The following RPS6KC1 variants were observed in gnomAD, a reference collection of about 807,000 sequenced individuals.
RPS6KC1 encodes ribosomal protein S6 kinase C1, also known as inactive ribosomal protein S6 kinase delta-1.
A neutral mutation model predicts 103.8 loss-of-function variants in RPS6KC1; 54 were observed. That is an observed-to-expected ratio of 0.52 (90% confidence interval 0.42 to 0.65). The LOEUF (loss-of-function observed/expected upper bound fraction) is 0.65. Ranked by LOEUF, RPS6KC1 falls within the 30% of genes least tolerant of loss-of-function variation. The pLI is 0.00. For missense variants in RPS6KC1, 1,151 were observed against 1,253.8 expected (o/e 0.92, Z 1.24); for synonymous variants, 439 against 438.7 (o/e 1.00, Z -0.01).
the RPS6KC1 span, among the ~76,000 whole-genome samples, chr1:213,377,930 G>A: frequency 6.6e-6 from 1 of 152,120 alleles, no homozygotes; most frequent in Non-Finnish European, 1.5e-5. Flanking sequence ...TTGGCATTTG[G>A]GGATAACAAT....
chr1:213,141,212 T>C (rs1312800479), intron 6 of RPS6KC1, among the ~76,000 whole-genome samples: 1 of 152,118 alleles, frequency 6.6e-6, no homozygotes, highest in Non-Finnish European at 1.5e-5. Flanking sequence ...CTCTTTTTTA[T>C]ACATGTGACA....
At chr1:213,628,489 A>T in the RPS6KC1 span, among the ~76,000 whole-genome samples, 215 of 151,396 alleles carry the variant, frequency 1.4e-3, no homozygotes, top group African/African-American at 4.9e-3. Context: ...TTTCTTTTTA[A>T]ATTATACTTT....
chr1:213,240,351 C>T (rs112753678), intron 10 of RPS6KC1, among the ~76,000 whole-genome samples: 1,595 of 152,078 alleles, frequency 0.01, 30 homozygotes, highest in African/African-American at 0.036. Flanking sequence ...ATAAACAGAA[C>T]AGAACATAAT....
chr1:213,287,232 ATGTGTGTGTGTGTG>A, the RPS6KC1 span, among the ~76,000 whole-genome samples: 164 of 146,820 alleles, frequency 1.1e-3, no homozygotes, highest in Non-Finnish European at 1.8e-3. Flanking sequence ...TGCCTATACA[ATGTGTGTGTGTGTG>A]TGTGTGTGTG....
intron 14 of RPS6KC1, among the ~76,000 whole-genome samples, chr1:213,271,653 A>G (rs1250007372): frequency 6.6e-6 from 1 of 151,880 alleles, no homozygotes; most frequent in Admixed American, 6.6e-5. Context: ...AGTCCCAGCT[A>G]CACGGGAGGC....
intron 12 of RPS6KC1, among the ~76,000 whole-genome samples, chr1:213,256,588 A>G (rs2094649004): frequency 6.6e-6 from 1 of 152,004 alleles, no homozygotes; most frequent in African/African-American, 2.4e-5. Flanking sequence ...AAAGTTTACA[A>G]ATTTGCATTG....
chr1:213,781,104 C>T, the RPS6KC1 span, among the ~76,000 whole-genome samples: 2 of 152,114 alleles, frequency 1.3e-5, no homozygotes, highest in African/African-American at 2.4e-5. Flanking sequence ...AGTGGCAAAT[C>T]GTGGAAACCA....
chr1:213,121,154 G>A (rs945522259), intron 5 of RPS6KC1, among the ~76,000 whole-genome samples: 3 of 152,170 alleles, frequency 2.0e-5, no homozygotes, highest in South Asian at 4.2e-4. Flanking sequence ...GGCAGCTCTC[G>A]AACTCTTAGA....
At chr1:213,689,194 A>G in the RPS6KC1 span, among the ~76,000 whole-genome samples, 3 of 152,274 alleles carry the variant, frequency 2.0e-5, no homozygotes, top group Non-Finnish European at 2.9e-5. Context: ...TTAGAGGTAG[A>G]GCTGGGTCAA....
intron 1 of RPS6KC1, among the ~76,000 whole-genome samples, chr1:213,055,767 T>C (rs893410643): frequency 2.6e-5 from 4 of 152,260 alleles, no homozygotes; most frequent in Non-Finnish European, 5.9e-5. Context: ...AGAATGTAGA[T>C]GAATTTCAGA....
chr1:213,189,439 C>G (rs944076899), intron 8 of RPS6KC1, among the ~76,000 whole-genome samples: 2 of 123,176 alleles, frequency 1.6e-5, no homozygotes, highest in South Asian at 5.8e-4. Flanking sequence ...ACAGAGTGAG[C>G]CTTTGTCTCA....
chr1:213,345,070 G>A, the RPS6KC1 span, among the ~76,000 whole-genome samples: 5 of 152,104 alleles, frequency 3.3e-5, no homozygotes, highest in Admixed American at 6.6e-5. Context: ...TCTTCCTTAG[G>A]AGTTCAATTA....
chr1:213,282,667 C>T, the RPS6KC1 span, among the ~76,000 whole-genome samples: 1 of 152,248 alleles, frequency 6.6e-6, no homozygotes, highest in African/African-American at 2.4e-5. Context: ...GCCATATTAA[C>T]TCTTGTCATC....
At chr1:213,638,195 T>C in the RPS6KC1 span, among the ~76,000 whole-genome samples, 1 of 152,154 alleles carries the variant, frequency 6.6e-6, no homozygotes, top group Non-Finnish European at 1.5e-5. Context: ...AGGTATCTTT[T>C]TTGATGATAT....
chr1:213,437,859 A>G, the RPS6KC1 span, among the ~76,000 whole-genome samples: 1 of 151,948 alleles, frequency 6.6e-6, no homozygotes, highest in East Asian at 1.9e-4. Context: ...TTAAAGCTTA[A>G]GTTTTCCTCT....
chr1:213,384,914 A>G, the RPS6KC1 span, among the ~76,000 whole-genome samples: 2 of 152,210 alleles, frequency 1.3e-5, no homozygotes, highest in Admixed American at 6.5e-5. Flanking sequence ...ATGCTGGTGC[A>G]GGGATTTTAA....
At chr1:213,472,438 A>G in the RPS6KC1 span, among the ~76,000 whole-genome samples, 1 of 152,162 alleles carries the variant, frequency 6.6e-6, no homozygotes, top group Non-Finnish European at 1.5e-5. Context: ...TAACATGAAA[A>G]CACCTGGAAG....
At chr1:213,434,830 A>G in the RPS6KC1 span, among the ~76,000 whole-genome samples, 5 of 151,988 alleles carry the variant, frequency 3.3e-5, no homozygotes, top group Admixed American at 2.0e-4. Flanking sequence ...TCACTGGTAT[A>G]GGACAATTAG....
At chr1:213,493,934 G>A in the RPS6KC1 span, among the ~76,000 whole-genome samples, 2 of 150,720 alleles carry the variant, frequency 1.3e-5, no homozygotes, top group African/African-American at 4.8e-5. Flanking sequence ...GGTTCTTCAA[G>A]TGTTGTCCTG....
Sources: gnomAD v4.1 joint callset for allele counts (sites outside exome capture counted in the v4.1 genomes callset) on GRCh38, gnomAD v4.1.1 for gene constraint, MANE v1.5 for transcripts, NCBI Gene and HGNC (gene_info 2026-07-23, HGNC 2026-07-21) for gene names.